OPHN1: variants seen among roughly 807,000 people sequenced by gnomAD.
The protein encoded by OPHN1 is oligophrenin 1.
Under a neutral mutation model 60.7 loss-of-function variants are expected in OPHN1, and 11 were observed. That is an observed-to-expected ratio of 0.18 (90% confidence interval 0.11 to 0.30). The LOEUF (loss-of-function observed/expected upper bound fraction) is 0.30. Ranked by LOEUF, OPHN1 falls within the 10% of genes least tolerant of loss-of-function variation. OPHN1 has a pLI of 1.00. For missense variants in OPHN1, 449 were observed against 611.0 expected (o/e 0.73, Z 2.80); for synonymous variants, 226 against 222.6 (o/e 1.02, Z -0.14).
chrX:68,353,624 T>C (rs1330032053), intron 2 of OPHN1, among the ~76,000 whole-genome samples: 2 of 111,056 alleles, frequency 1.8e-5, no homozygotes, highest in Non-Finnish European at 3.8e-5. Context: ...TATGCTGTTT[T>C]TGTTTCCTAC....
At chrX:68,380,003 T>G (rs1365688623) in intron 2 of OPHN1, among the ~76,000 whole-genome samples, 1 of 110,980 alleles carries the variant, frequency 9.0e-6, no homozygotes, top group Non-Finnish European at 1.9e-5. Context: ...GAAGGAATGG[T>G]ACCAGTTCCT....
chrX:68,158,007 G>A (rs766759730), intron 15 of OPHN1, among the ~76,000 whole-genome samples: 15 of 110,990 alleles, frequency 1.4e-4, no homozygotes, highest in Admixed American at 2.9e-4. Context: ...GGAGTGCAGC[G>A]GCACAATCTG....
intron 5 of OPHN1, among the ~76,000 whole-genome samples, chrX:68,268,117 A>T (rs1161263066): frequency 9.0e-6 from 1 of 111,256 alleles, no homozygotes; most frequent in Non-Finnish European, 1.9e-5. Flanking sequence ...GGTACAGAAT[A>T]CAGAGGTACA....
Position 68,283,246 on chromosome X carries a change from A to G in OPHN1, c.251-129T>C, listed in dbSNP as rs987276957. The G allele has an allele frequency of 1.2e-5, 6 of 509,158 alleles. No homozygotes were observed. In the African/African-American group the frequency reaches 1.4e-4, roughly 12 times the overall value. 42.0% of individuals were successfully genotyped at this position (509,158 alleles called of 1,213,427 possible). ...ACATGGCCACTAGAGGAAGGTGTCA[A>G]ATCGGAGGACAAAAGCAGGTGTTCA... On this transcript the variant is annotated intron_variant, in intron 3 of 24. Coordinates refer to ENST00000355520, the MANE Select transcript of OPHN1 (RefSeq NM_002547.3).
At chrX:68,072,951 C>T (rs998344243) in intron 20 of OPHN1, among the ~76,000 whole-genome samples, 2 of 111,791 alleles carry the variant, frequency 1.8e-5, no homozygotes, top group Non-Finnish European at 3.8e-5. Flanking sequence ...CCTTTACAAG[C>T]TCATCACCAT....
At chrX:68,143,957 C>G (rs992910534) in intron 15 of OPHN1, among the ~76,000 whole-genome samples, 1 of 111,797 alleles carries the variant, frequency 8.9e-6, no homozygotes, top group Admixed American at 9.5e-5. Flanking sequence ...TGAAGATCCT[C>G]AATGCATATG....
intron 5 of OPHN1, among the ~76,000 whole-genome samples, chrX:68,253,234 AT>A (rs918124986): frequency 9.1e-6 from 1 of 110,375 alleles, no homozygotes; most frequent in East Asian, 2.8e-4. Context: ...CATTATCCTC[AT>A]TTTTTTTCAG....
chrX:68,165,130 T>C (rs4827413), intron 15 of OPHN1, among the ~76,000 whole-genome samples: 54,914 of 110,789 alleles, frequency 0.5, 11,729 homozygotes, highest in East Asian at 0.87. Context: ...ACTTTCCCCA[T>C]GTCAACTATA....
rs977967610 is a variant in OPHN1 at position 68,042,628 on chromosome X, C to G, written c.*4544G>C. ...AAAAAACACATGAAGAAATGCTCAT[C>G]ATCACTGGCCATCAGAGAAATGCAA... On this transcript the variant is annotated 3_prime_UTR_variant, in exon 25 of 25. Coordinates refer to ENST00000355520, the MANE Select transcript of OPHN1 (RefSeq NM_002547.3). 4 of 102,906 alleles carry G rather than the reference C, an allele frequency of 3.9e-5. No individual in the cohort carries two copies. Among genetic ancestry groups the G allele is most frequent in the African/African-American group, 1.4e-4 (4 of 28,051 alleles). The allele number at this position is 102,906 out of a possible 1,213,427, so 8.5% of individuals were successfully genotyped here.
chrX:68,357,943 A>G (rs919018856), intron 2 of OPHN1, among the ~76,000 whole-genome samples: 4 of 109,279 alleles, frequency 3.7e-5, no homozygotes, highest in African/African-American at 1.3e-4. Flanking sequence ...CTCCATGAAA[A>G]CATACTATTT....
At chrX:68,171,072 A>T (rs2077388757) in intron 15 of OPHN1, among the ~76,000 whole-genome samples, 1 of 111,072 alleles carries the variant, frequency 9.0e-6, no homozygotes. Context: ...CAACAGGGTG[A>T]TTATAGTTAG....
intron 5 of OPHN1, among the ~76,000 whole-genome samples, chrX:68,235,284 A>G (rs2077747260): frequency 1.8e-5 from 2 of 112,116 alleles, no homozygotes; most frequent in Non-Finnish European, 3.8e-5. Context: ...AAGTAGCACT[A>G]ACAATGTTCC....
chrX:68,419,005 T>C (rs1229369026), intron 2 of OPHN1, among the ~76,000 whole-genome samples: 1 of 110,544 alleles, frequency 9.0e-6, no homozygotes, highest in Non-Finnish European at 1.9e-5. Context: ...TTTTTTGTTG[T>C]TGTTGTTTGT....
intron 2 of OPHN1, among the ~76,000 whole-genome samples, chrX:68,347,583 G>A (rs1295380911): frequency 9.0e-6 from 1 of 111,360 alleles, no homozygotes; most frequent in East Asian, 2.8e-4. Context: ...CTCCCAAAAA[G>A]GTGGAATTAC....
intron 15 of OPHN1, among the ~76,000 whole-genome samples, chrX:68,153,226 A>C (rs1287905494): frequency 8.5e-5 from 9 of 105,966 alleles, no homozygotes; most frequent in East Asian, 3.0e-4. Context: ...AAAAAAAAAA[A>C]GAAAAAAGAA....
At chrX:68,200,000 G>A (rs747584883) in intron 11 of OPHN1, among the ~76,000 whole-genome samples, 2 of 112,287 alleles carry the variant, frequency 1.8e-5, no homozygotes, top group Non-Finnish European at 3.8e-5. Context: ...GGTAGAGGTT[G>A]TGCAACACTG....
rs1466289878 is a variant in OPHN1 at position 68,043,318 on chromosome X, A to G, written c.*3854T>C. On this transcript the variant is annotated 3_prime_UTR_variant, in exon 25 of 25. Transcript: ENST00000355520. ...GCGCACCAGCATGGCACATGTATAC[A>G]TATGTAACTAACCTGCACAATGTGC... is the stretch of plus-strand genomic sequence containing the variant. 1 of 85,900 alleles carries G rather than the reference A, an allele frequency of 1.2e-5. No individual in the cohort carries two copies. Among genetic ancestry groups the G allele is most frequent in the East Asian group, 3.9e-4 (1 of 2,560 alleles). 7.1% of individuals were successfully genotyped at this position (85,900 alleles called of 1,213,427 possible).
chrX:68,169,985 C>T (rs374529920), intron 15 of OPHN1, among the ~76,000 whole-genome samples: 16 of 107,528 alleles, frequency 1.5e-4, no homozygotes, highest in East Asian at 2.9e-4. Context: ...ACCATCAGAG[C>T]GAACAGGCAA....
At chrX:68,259,035 T>C (rs972998565) in intron 5 of OPHN1, among the ~76,000 whole-genome samples, 10 of 111,956 alleles carry the variant, frequency 8.9e-5, no homozygotes, top group African/African-American at 2.3e-4. Flanking sequence ...TTCTACAACA[T>C]AGAAATTCTA....
Sources: allele counts gnomAD v4.1 joint callset (sites outside exome capture counted in the v4.1 genomes callset), GRCh38; gene constraint gnomAD v4.1.1; transcripts MANE v1.5; gene names NCBI Gene and HGNC (gene_info 2026-07-23, HGNC 2026-07-21).